Variants in NELFCD observed in about 807,000 individuals in gnomAD.
NELFCD encodes the protein negative elongation factor complex member C/D.
Under a neutral mutation model 72.9 loss-of-function variants are expected in NELFCD, and 48 were observed. That is an observed-to-expected ratio of 0.66 (90% confidence interval 0.52 to 0.84). The LOEUF (loss-of-function observed/expected upper bound fraction) is 0.84, where lower values mean the gene tolerates loss of function less well. NELFCD is among the 40% of genes least tolerant of loss of function. The pLI is 0.00. For missense variants in NELFCD, 538 were observed against 723.8 expected, an observed-to-expected ratio of 0.74 and a Z score of 2.94; for synonymous variants, 297 against 280.6, an observed-to-expected ratio of 1.06 and a Z score of -0.59.
At chr20:58,981,633 C>T (rs973276763) in intron 1 of NELFCD, among the ~76,000 whole-genome samples, 25 of 151,114 alleles carry the variant, frequency 1.7e-4, no homozygotes, top group African/African-American at 5.6e-4. Flanking sequence ...GAGGCTCTGG[C>T]GCGGGGCGGC....
In NELFCD at chr20:58,993,174, C is replaced by T. The variant is rs1432374891; in HGVS notation, c.1344+62C>T. The T allele has an allele frequency of 3.3e-6, 4 of 1,210,486 alleles. No homozygotes were observed. The highest frequency in any genetic ancestry group is 3.7e-6 in the Non-Finnish European group (3 of 813,214). The allele number at this position is 1,210,486 out of a possible 1,614,324, so 75.0% of individuals were successfully genotyped here. On this transcript the variant is annotated intron_variant, in intron 11 of 14. Coordinates refer to ENST00000652272, the MANE Select transcript of NELFCD (RefSeq NM_198976.4). This position sits in a 1 kb window ranked among gnomAD's most constrained non-coding sequence, Gnocchi z 5.0. ...GTCTGTCTCATGCTGTTTACGTTGG[C>T]ATTAACATTGCATCTATTCAGTGAG...
chr20:58,988,343 C>T (rs1335581620), intron 4 of NELFCD, among the ~76,000 whole-genome samples: 3 of 152,210 alleles, frequency 2.0e-5, no homozygotes, highest in Admixed American at 6.5e-5. Context: ...AATCTTTAAG[C>T]CACAGGTGCC....
At chr20:58,988,068 C>G in intron 4 of NELFCD, 1 of 478,404 alleles carries the variant, frequency 2.1e-6, no homozygotes, top group South Asian at 2.5e-5. Flanking sequence ...ACCATTTCCC[C>G]TCTCAGGCTG....
In NELFCD at chr20:58,994,752, A is replaced by C. The variant is rs2091847060; in HGVS notation, c.*76A>C. Reference sequence around the variant, plus strand: ...AAAAACCCTTTCAAGAAGCTGTTTTAAGAGGCTCGGGCAGCGTCTTGAAAA... The same window carrying C: ...AAAAACCCTTTCAAGAAGCTGTTTTCAGAGGCTCGGGCAGCGTCTTGAAAA... On this transcript the variant is annotated 3_prime_UTR_variant, in exon 15 of 15. Coordinates refer to ENST00000652272, the MANE Select transcript of NELFCD (RefSeq NM_198976.4). The C allele has an allele frequency of 7.7e-7, 1 of 1,304,342 alleles. No homozygotes were observed. Among genetic ancestry groups the C allele is most frequent in the Non-Finnish European group, 1.1e-6 (1 of 906,060 alleles). The allele number at this position is 1,304,342 out of a possible 1,614,324, so 80.8% of individuals were successfully genotyped here. A position where few individuals can be genotyped will look rare whatever the true frequency, so the allele number is the denominator to read the frequency against.
At chr20:58,991,129 G>A in intron 8 of NELFCD, 54 bp downstream of exon 8, 1 of 1,585,528 alleles carries the variant, frequency 6.3e-7, no homozygotes, top group Non-Finnish European at 8.6e-7. Context: ...ACTTTGGAAA[G>A]TCTGTGCTTG....
Position 58,994,235 on chromosome 20 carries a change from T to A in NELFCD, c.1707T>A (p.Phe569Leu). The part of the protein sequence containing the change: ...TEGEHDPVTE[F>L]IAHCKSNFIM... ...GCGAGCATGACCCTGTGACGGAGTT[T>A]ATAGGTGAGGCCGACTGCCTAGCCC... The change falls in exon 14 of 15, where the codon TTT becomes TTA. Residue 569 changes from phenylalanine (F) to leucine (L), a missense_variant. Around this residue, in one of 3 missense-constraint regions of NELFCD, gnomAD observed 136 missense variants for 154.0 expected, o/e 0.88. Coordinates refer to ENST00000652272, the MANE Select transcript of NELFCD (RefSeq NM_198976.4). 6.2e-7 allele frequency: 1 copy of A among 1,614,096 alleles called. No individual in the cohort carries two copies. The highest frequency in any genetic ancestry group is 8.5e-7 in the Non-Finnish European group (1 of 1,179,966).
intron 1 of NELFCD, among the ~76,000 whole-genome samples, chr20:58,983,700 A>G (rs1406507203): frequency 6.6e-6 from 1 of 152,170 alleles, no homozygotes; most frequent in East Asian, 1.9e-4. Flanking sequence ...TGCTGAGATT[A>G]CAGGTGTGAG....
At chr20:58,989,176 A>G in intron 5 of NELFCD, 155 bp downstream of exon 5, 1 of 646,038 alleles carries the variant, frequency 1.5e-6, no homozygotes, top group East Asian at 2.7e-5. Context: ...GAAAAGTGTA[A>G]AATTTGTATC....
chr20:58,991,821 C>T (rs761369778), intron 9 of NELFCD, 60 bp from the exon 10 acceptor site: 3 of 1,583,946 alleles, frequency 1.9e-6, no homozygotes, highest in Admixed American at 1.8e-5. Flanking sequence ...GACACCAGAA[C>T]ACCCCGACAG....
At position 58,986,734 on chromosome 20, in the gene NELFCD, G is replaced by C; in HGVS notation, c.177-20G>C. The C allele has an allele frequency of 7.1e-7, 1 of 1,416,946 alleles. No individual in the cohort carries two copies. Among genetic ancestry groups the C allele is most frequent in the Non-Finnish European group, 1.0e-6 (1 of 1,000,170 alleles). The allele number at this position is 1,416,946 out of a possible 1,614,324, so 87.8% of individuals were successfully genotyped here. On this transcript the variant is annotated intron_variant, in intron 2 of 14. Coordinates refer to ENST00000652272, the MANE Select transcript of NELFCD (RefSeq NM_198976.4). This position sits in a 1 kb window ranked among gnomAD's most constrained non-coding sequence, Gnocchi z 4.4. ...TCATTCCATTCATTCGGGTGTAATTGCTGTTGTTACTTTCCCTAGGTATTT... is the reference window on the plus strand; with the variant it reads ...TCATTCCATTCATTCGGGTGTAATTCCTGTTGTTACTTTCCCTAGGTATTT...
intron 14 of NELFCD, 130 bp from the exon 15 acceptor site, chr20:58,994,512 A>G (rs978160587): frequency 5.0e-6 from 4 of 793,626 alleles, no homozygotes; most frequent in African/African-American, 3.5e-5. Flanking sequence ...CAGTGAGCCA[A>G]GATCGCGCCA....
rs2091790905 is a variant in NELFCD at position 58,988,764 on chromosome 20, G to A, written c.397-150G>A. The A allele has an allele frequency of 5.0e-6, 3 of 599,052 alleles. No homozygotes were observed. The East Asian group carries it at 8.6e-5, about 17-fold the overall frequency. The allele number at this position is 599,052 out of a possible 1,614,324, so 37.1% of individuals were successfully genotyped here. ...CTGTCACTCAGCCGACTGTGTGGCT[G>A]TGGCCAGCTCTGGGTCTGCCTCCCC... On this transcript the variant is annotated intron_variant, in intron 4 of 14. Transcript: ENST00000652272.
Position 58,994,373 on chromosome 20 carries a change from G to A in NELFCD, c.1711+134G>A, listed in dbSNP as rs74710741. 3,653 of 867,028 alleles carry A rather than the reference G, an allele frequency of 4.2e-3. 63 individuals are homozygous for A. Among genetic ancestry groups the A allele is most frequent in the East Asian group, 0.037 (1,453 of 38,860 alleles). The allele number at this position is 867,028 out of a possible 1,614,324, so 53.7% of individuals were successfully genotyped here. ...GAGGTTGGGAGTTCAAGACCAGCCC[G>A]ACCAACATGGAGAAACCCCATCTCT... On this transcript the variant is annotated intron_variant, in intron 14 of 14. Coordinates refer to ENST00000652272, the MANE Select transcript of NELFCD (RefSeq NM_198976.4).
chr20:58,991,890 G>T lies in NELFCD; in HGVS notation c.1099G>T (p.Val367Leu). 3 of 1,614,184 alleles carry T rather than the reference G, an allele frequency of 1.9e-6. No homozygotes were observed. The highest frequency in any genetic ancestry group is 2.2e-5 in the South Asian group (2 of 91,066). ...VVETWKKNKR[V>L]SINKDELKST... Reference sequence around the variant, plus strand: ...GTGTGTGTGTTTTCAGAACAAGCGAGTGAGCATCAATAAAGATGAGCTGAA... The same window carrying T: ...GTGTGTGTGTTTTCAGAACAAGCGATTGAGCATCAATAAAGATGAGCTGAA... Residue 367 changes from valine (V) to leucine (L), a missense_variant, in exon 10 of 15, where the codon GTG becomes TTG. This residue lies in a region of NELFCD where 355 missense variants were observed against 534.5 expected (regional missense o/e 0.66). Coordinates refer to ENST00000652272, the MANE Select transcript of NELFCD (RefSeq NM_198976.4).
In NELFCD at chr20:58,986,251, AT is replaced by A; in HGVS notation, c.176+46del. ...CTGTATTGGGAGGAGGCTGGGGGTA[AT>A]TTAGAGAAAGTTTTGTAATACACCC... On this transcript the variant is annotated intron_variant, in intron 2 of 14. Coordinates refer to ENST00000652272, the MANE Select transcript of NELFCD (RefSeq NM_198976.4). The surrounding 1 kb of genome is among the most constrained non-coding windows in gnomAD (Gnocchi z 4.4). 7.5e-7 allele frequency: 1 copy of A among 1,335,032 alleles called. No homozygotes were observed. The allele number at this position is 1,335,032 out of a possible 1,614,324, so 82.7% of individuals were successfully genotyped here.
intron 7 of NELFCD, 23 bp from the exon 8 acceptor site, chr20:58,990,887 G>T (rs1462732485): frequency 6.3e-7 from 1 of 1,599,690 alleles, no homozygotes; most frequent in Non-Finnish European, 8.5e-7. Context: ...TTAGTAACGG[G>T]GTCTATGGTT....
rs774326847 is a variant in NELFCD at position 58,991,091 on chromosome 20, A to G, written c.954+16A>G. ...GGTTGAACTTGTAAGTTGCTTCTCA[A>G]GAATCCCCAATGTCAGCTGGTAAGG... On this transcript the variant is annotated intron_variant, in intron 8 of 14. Transcript: ENST00000652272. 30 of 1,610,472 alleles carry G rather than the reference A, an allele frequency of 1.9e-5. No individual in the cohort carries two copies. Among genetic ancestry groups the G allele is most frequent in the African/African-American group, 2.7e-5 (2 of 74,840 alleles).
chr20:58,989,054 G>A (rs2091793803), intron 5 of NELFCD, 33 bp downstream of exon 5: 1 of 1,455,496 alleles, frequency 6.9e-7, no homozygotes. Context: ...GGAGAAAAGT[G>A]TTTATGAATG....
chr20:58,986,456 C>G lies in NELFCD; in HGVS notation c.176+248C>G. Reference sequence around the variant, plus strand: ...TCCTGGAATCAAGCAGTTCTCCCACCTCAGCCTTGCAAGGTGGCCACCACA... The same window carrying G: ...TCCTGGAATCAAGCAGTTCTCCCACGTCAGCCTTGCAAGGTGGCCACCACA... On this transcript the variant is annotated intron_variant, in intron 2 of 14. Transcript: ENST00000652272. The surrounding 1 kb of genome is among the most constrained non-coding windows in gnomAD (Gnocchi z 4.4). 1.8e-6 allele frequency: 1 copy of G among 557,450 alleles called. No individual in the cohort carries two copies. The highest frequency in any genetic ancestry group is 3.1e-5 in the East Asian group (1 of 31,912). 34.5% of individuals were successfully genotyped at this position (557,450 alleles called of 1,614,324 possible). A position where few individuals can be genotyped will look rare whatever the true frequency, so the allele number is the denominator to read the frequency against.
Sources: gnomAD v4.1 joint callset for allele counts (sites outside exome capture counted in the v4.1 genomes callset) on GRCh38, gnomAD v4.1.1 for gene constraint, gnomAD v4.1.1 regional missense constraint, Gnocchi (gnomAD v3.1) non-coding constraint, MANE v1.5 for transcripts, NCBI Gene and HGNC (gene_info 2026-07-23, HGNC 2026-07-21) for gene names.